ZNF709: variants seen among roughly 807,000 people sequenced by gnomAD.
ZNF709 encodes the protein zinc finger protein 709.
ZNF709 carries 15 observed loss-of-function variants against 10.6 expected under a neutral mutation model. The ratio of observed to expected loss-of-function variants is 1.41; its 90% CI spans 0.95 to 2.18. ZNF709 has a LOEUF of 2.18. Among genes scored for constraint, ZNF709 ranks in the 30% most tolerant of loss-of-function variants. The pLI, the probability that ZNF709 is intolerant of heterozygous loss-of-function variation, is 0.00. For missense variants in ZNF709, 589 were observed against 774.0 expected, an observed-to-expected ratio of 0.76 and a Z score of 2.84; for synonymous variants, 194 against 238.8, an observed-to-expected ratio of 0.81 and a Z score of 1.73.
chr19:12,468,456 G>A (rs1392951973), intron 1 of ZNF709, among the ~76,000 whole-genome samples: 1 of 151,762 alleles, frequency 6.6e-6, no homozygotes, highest in East Asian at 1.9e-4. Context: ...GATTAAGGGC[G>A]GTGCAAGATG....
At chr19:12,481,598 A>C (rs1970727403) in intron 1 of ZNF709, among the ~76,000 whole-genome samples, 1 of 152,150 alleles carries the variant, frequency 6.6e-6, no homozygotes, top group South Asian at 2.1e-4. Flanking sequence ...TTACATTTTC[A>C]AACCCAAGAA....
Position 12,484,723 on chromosome 19 carries a change from C to G in ZNF709, c.-66G>C, listed in dbSNP as rs1568250598. On this transcript the variant is annotated 5_prime_UTR_variant, in exon 1 of 4. Transcript: ENST00000397732. ...CCCGCGGCCAGCACAGGTCCTACCT[C>G]CACCTGAGGCCCTTCCTCCACCTGA... 2 of 1,610,560 alleles carry G rather than the reference C, an allele frequency of 1.2e-6. No homozygotes were observed. The highest frequency in any genetic ancestry group is 3.3e-4 in the Middle Eastern group (2 of 6,054).
At chr19:12,474,756 C>T (rs1177663154) in intron 1 of ZNF709, among the ~76,000 whole-genome samples, 1 of 152,054 alleles carries the variant, frequency 6.6e-6, no homozygotes, top group Non-Finnish European at 1.5e-5. Context: ...ACAATACATT[C>T]AAAGTGTTAA....
chr19:12,475,899 A>C (rs1970673823), intron 1 of ZNF709, among the ~76,000 whole-genome samples: 1 of 152,236 alleles, frequency 6.6e-6, no homozygotes, highest in South Asian at 2.1e-4. Flanking sequence ...GACTCACATT[A>C]GTATAGTATA....
rs1970571557 is a variant in ZNF709, at chr19:12,466,465, A to G, written c.185T>C (p.Leu62Pro). The G allele has an allele frequency of 6.2e-7, 1 of 1,613,806 alleles. No individual in the cohort carries two copies. The highest frequency in any genetic ancestry group is 1.3e-5 in the African/African-American group (1 of 74,910). ...TTCTTTTGTAAGTACAACTCACCTT[A>G]GCTTTCTCCCCTGATTTTTGTGATC... ...IEDHKNQGRKLRSHMVERLCE... is the reference protein window; with the variant it reads ...IEDHKNQGRKPRSHMVERLCE... The change falls in exon 3 of 4, where the codon CTA (leucine) becomes CCA (proline). Residue 62 changes from leucine (L) to proline (P), a missense_variant. By Grantham distance (98) the Leu-to-Pro change is moderately conservative. Coordinates refer to ENST00000397732, the MANE Select transcript of ZNF709 (RefSeq NM_152601.4).
Position 12,464,862 on chromosome 19 carries a change from G to A in ZNF709, c.1060C>T (p.His354Tyr). The A allele has an allele frequency of 1.9e-6, 3 of 1,614,046 alleles. No homozygotes were observed. The highest frequency in any genetic ancestry group is 2.5e-6 in the Non-Finnish European group (3 of 1,179,978). ...AFISLPSYRR[H>Y]MIMHTGNGPY... ...CCATTTCCAGTGTGCATTATCATAT[G>A]TCTTCGATAGCTTGGAAGAGAAATG... is the stretch of plus-strand genomic sequence containing the variant. The change falls in exon 4 of 4, where the codon CAT (histidine) becomes TAT (tyrosine). Residue 354 changes from histidine to tyrosine, a missense_variant. His to Tyr is a moderately conservative substitution (Grantham distance 83). Transcript: ENST00000397732.
Position 12,467,011 on chromosome 19 carries a change from A to C in ZNF709, c.4-161T>G, listed in dbSNP as rs142186726. Among the ~76,000 whole-genome samples the C allele has an allele frequency of 7.5e-3, 1,135 of 152,344 alleles. 9 individuals carry two copies. Among genetic ancestry groups the C allele is most frequent in the Middle Eastern group, 0.048 (14 of 294 alleles). On this transcript the variant is annotated intron_variant, in intron 1 of 3. Coordinates refer to ENST00000397732, the MANE Select transcript of ZNF709 (RefSeq NM_152601.4). The stretch of plus-strand genomic sequence containing the variant: ...CCACACTTACTTCTTCATAAATTTA[A>C]CACCACCATGAATACTTGGAAATTA...
chr19:12,475,448 A>G (rs1011566970), intron 1 of ZNF709, among the ~76,000 whole-genome samples: 2 of 152,134 alleles, frequency 1.3e-5, no homozygotes, highest in African/African-American at 2.4e-5. Flanking sequence ...TGAAAAACAG[A>G]GAACAGAAAT....
Position 12,481,195 on chromosome 19 carries a change from C to T in ZNF709, c.3+3460G>A, listed in dbSNP as rs913008964. 2.7e-5 allele frequency: 27 copies of T among 984,490 alleles called. No homozygotes were observed. In the African/African-American group the frequency reaches 4.4e-4, roughly 16 times the overall value. 61.0% of individuals were successfully genotyped at this position (984,490 alleles called of 1,614,324 possible). On this transcript the variant is annotated intron_variant, in intron 1 of 3. Transcript: ENST00000397732. ...CATCTCTTATCTTGAGGTTCTCTTG[C>T]CTAAAAGAAACAAATATTCTGTTTG...
At chr19:12,470,908 C>T (rs1306183107) in intron 1 of ZNF709, among the ~76,000 whole-genome samples, 3 of 142,430 alleles carry the variant, frequency 2.1e-5, no homozygotes, top group Non-Finnish European at 4.5e-5. Context: ...GCCTGGGCAA[C>T]AGAGCGAGAC....
chr19:12,484,789 G>A lies in ZNF709; in HGVS notation c.-132C>T, dbSNP rs902365327. The A allele has an allele frequency of 1.6e-6, 2 of 1,278,220 alleles. No homozygotes were observed. Among genetic ancestry groups the A allele is most frequent in the Non-Finnish European group, 2.2e-6 (2 of 912,820 alleles). 79.2% of individuals were successfully genotyped at this position (1,278,220 alleles called of 1,614,324 possible). On this transcript the variant is annotated 5_prime_UTR_variant, in exon 1 of 4. Coordinates refer to ENST00000397732, the MANE Select transcript of ZNF709 (RefSeq NM_152601.4). Reference sequence around the variant, plus strand: ...AGGAGACCCCAGAGCGGAGCGCAGCGGCTGGTAGCCACGCCCTCGCCGTTT... The same window carrying A: ...AGGAGACCCCAGAGCGGAGCGCAGCAGCTGGTAGCCACGCCCTCGCCGTTT...
At chr19:12,470,632 A>G (rs1169137796) in intron 1 of ZNF709, among the ~76,000 whole-genome samples, 5 of 152,116 alleles carry the variant, frequency 3.3e-5, no homozygotes, top group African/African-American at 1.2e-4. Flanking sequence ...AGTGATAAAG[A>G]GTGGCTTAGT....
intron 1 of ZNF709, among the ~76,000 whole-genome samples, chr19:12,471,999 T>G (rs1002552704): frequency 3.3e-5 from 5 of 152,074 alleles, no homozygotes; most frequent in Non-Finnish European, 5.9e-5. Context: ...GTGACATACA[T>G]GCAATATAAA....
rs985119232 is a variant in ZNF709 at position 12,461,298 on chromosome 19, C to G, written c.*2698G>C. 6.6e-6 allele frequency: 1 copy of G among 152,134 alleles called. No homozygotes were observed. The highest frequency in any genetic ancestry group is 1.5e-5 in the Non-Finnish European group (1 of 68,006). The allele number at this position is 152,134 out of a possible 1,614,324, so 9.4% of individuals were successfully genotyped here. ...TATTTCTAAGAAACATCTACAGAAG[C>G]TTTTGTTCAACAAAAACATACACAT... is the stretch of plus-strand genomic sequence containing the variant. On this transcript the variant is annotated 3_prime_UTR_variant, in exon 4 of 4. Coordinates refer to ENST00000397732, the MANE Select transcript of ZNF709 (RefSeq NM_152601.4).
rs763947715 is a variant in ZNF709, at chr19:12,463,095, T to C, written c.*901A>G. 2 of 152,256 alleles carry C rather than the reference T, an allele frequency of 1.3e-5. No homozygotes were observed. The highest frequency in any genetic ancestry group is 2.9e-5 in the Non-Finnish European group (2 of 68,038). 9.4% of individuals were successfully genotyped at this position (152,256 alleles called of 1,614,324 possible). ...ATTTGCATCAGGCTTTCCCATATTA[T>C]CTACATTTATACAGTACCTCCCTAG... On this transcript the variant is annotated 3_prime_UTR_variant, in exon 4 of 4. Coordinates refer to ENST00000397732, the MANE Select transcript of ZNF709 (RefSeq NM_152601.4).
chr19:12,468,507 A>G (rs180914887), intron 1 of ZNF709, among the ~76,000 whole-genome samples: 1 of 151,674 alleles, frequency 6.6e-6, no homozygotes, highest in African/African-American at 2.4e-5. Context: ...ATGCTCGTTA[A>G]GAGTCATCAC....
intron 1 of ZNF709, among the ~76,000 whole-genome samples, chr19:12,476,282 C>T (rs1275766760): frequency 6.6e-6 from 1 of 151,882 alleles, no homozygotes; most frequent in Non-Finnish European, 1.5e-5. Context: ...GTCCCACCTA[C>T]TCAGGAGGCT....
At chr19:12,469,795 A>C (rs1307622577) in intron 1 of ZNF709, among the ~76,000 whole-genome samples, 1 of 151,932 alleles carries the variant, frequency 6.6e-6, no homozygotes, top group Admixed American at 6.6e-5. Context: ...GTCTTCAAAA[A>C]ATCCCCACAC....
At chr19:12,483,809 A>G (rs1970752810) in intron 1 of ZNF709, among the ~76,000 whole-genome samples, 1 of 152,134 alleles carries the variant, frequency 6.6e-6, no homozygotes, top group Admixed American at 6.5e-5. Context: ...AAGTGAGTAA[A>G]TCTTTTCAAG....
Sources: allele counts gnomAD v4.1 joint callset (sites outside exome capture counted in the v4.1 genomes callset), GRCh38; gene constraint gnomAD v4.1.1; transcripts MANE v1.5; gene names NCBI Gene and HGNC (gene_info 2026-07-23, HGNC 2026-07-21).